ZBTB7C: variants seen among roughly 807,000 people sequenced by gnomAD.
The protein encoded by ZBTB7C is zinc finger and BTB domain containing 7C.
In ZBTB7C, 8 loss-of-function variants were observed where a neutral mutation model predicts 25.7. The ratio of observed to expected loss-of-function variants is 0.31; its 90% CI spans 0.18 to 0.56. The LOEUF is 0.56. Ranked by LOEUF, ZBTB7C falls within the 20% of genes least tolerant of loss-of-function variation. The pLI is 0.91. For synonymous variants in ZBTB7C, 394 were observed against 369.0 expected, an observed-to-expected ratio of 1.07 and a Z score of -0.78; for missense variants, 824 against 855.2, an observed-to-expected ratio of 0.96 and a Z score of 0.46.
chr18:48,143,968 C>T (rs1485532421), intron 3 of ZBTB7C, among the ~76,000 whole-genome samples: 1 of 152,224 alleles, frequency 6.6e-6, no homozygotes, highest in Non-Finnish European at 1.5e-5. Flanking sequence ...GGGAGTACCC[C>T]TATTGCAGTA....
intron 3 of ZBTB7C, chr18:48,088,271 C>T (rs969164227): frequency 1.3e-5 from 2 of 152,224 alleles, no homozygotes; most frequent in African/African-American, 4.8e-5. Context: ...CCTCCACCAA[C>T]CAAATGACAG....
chr18:48,292,957 G>A lies in ZBTB7C; in HGVS notation c.-79+45217C>T, dbSNP rs1371115741. ...GTGGTGACACCCCCACCCCTGCCAT[G>A]GTCAGCTTTGCTTATCTCTCACTCC... On this transcript the variant is annotated intron_variant, in intron 2 of 4. Transcript: ENST00000590800. 2.0e-5 allele frequency among the ~76,000 whole-genome samples: 3 copies of A among 152,236 alleles called. No homozygotes were observed. In the East Asian group the frequency reaches 5.8e-4, roughly 29 times the overall value.
chr18:48,123,748 T>C (rs1200808845), intron 3 of ZBTB7C, among the ~76,000 whole-genome samples: 1 of 152,198 alleles, frequency 6.6e-6, no homozygotes, highest in East Asian at 1.9e-4. Flanking sequence ...CTCTGAGCAG[T>C]ATAAGAATGG....
At chr18:48,086,994 C>T (rs1179926012) in intron 3 of ZBTB7C, among the ~76,000 whole-genome samples, 1 of 152,180 alleles carries the variant, frequency 6.6e-6, no homozygotes, top group Non-Finnish European at 1.5e-5. Flanking sequence ...AGTAACTCCT[C>T]CCAGCGATTC....
At chr18:48,308,361 G>A (rs1389123486) in intron 2 of ZBTB7C, among the ~76,000 whole-genome samples, 1 of 152,178 alleles carries the variant, frequency 6.6e-6, no homozygotes, top group Non-Finnish European at 1.5e-5. Flanking sequence ...ATTTAGGGCA[G>A]GATGACCTCT....
intron 3 of ZBTB7C, among the ~76,000 whole-genome samples, chr18:48,066,824 G>A (rs1454696948): frequency 1.3e-5 from 2 of 152,234 alleles, no homozygotes; most frequent in East Asian, 1.9e-4. Flanking sequence ...TAGCTCTGCC[G>A]GGTGTGGTGG....
intron 2 of ZBTB7C, among the ~76,000 whole-genome samples, chr18:48,303,296 C>T (rs1389721621): frequency 6.6e-6 from 1 of 152,192 alleles, no homozygotes; most frequent in African/African-American, 2.4e-5. Context: ...GGCAGTGATC[C>T]CTGAGAATCA....
At chr18:48,360,428 A>G (rs546932118) in intron 1 of ZBTB7C, among the ~76,000 whole-genome samples, 22 of 152,326 alleles carry the variant, frequency 1.4e-4, no homozygotes, top group African/African-American at 4.8e-4. Flanking sequence ...CATGTGAAAA[A>G]TCACAGAGCC....
At chr18:48,376,377 T>C (rs1873125) in intron 1 of ZBTB7C, among the ~76,000 whole-genome samples, 96,061 of 151,842 alleles carry the variant, frequency 0.63, 30,856 homozygotes, top group East Asian at 0.95. Flanking sequence ...GTAGATGCCC[T>C]CTAAGAAGCA....
chr18:48,401,630 C>T (rs1048980759), intron 1 of ZBTB7C, among the ~76,000 whole-genome samples: 1 of 152,158 alleles, frequency 6.6e-6, no homozygotes, highest in Non-Finnish European at 1.5e-5. Context: ...TCAGAATCCC[C>T]AAGGACACTT....
chr18:48,176,616 C>CGTGTGTGTGTGTGTGTGTGT (rs10533963), intron 3 of ZBTB7C, among the ~76,000 whole-genome samples: 9 of 149,750 alleles, frequency 6.0e-5, no homozygotes, highest in South Asian at 2.1e-4. Context: ...AGGAAATACA[C>CGTGTGTGTGTGTGTGTGTGT]GTGTGTGTGT....
chr18:48,304,652 G>A (rs915032185), intron 2 of ZBTB7C, among the ~76,000 whole-genome samples: 10 of 151,770 alleles, frequency 6.6e-5, no homozygotes, highest in Admixed American at 6.6e-4. Flanking sequence ...TCCAGCCTGG[G>A]CAACACAGTG....
intron 3 of ZBTB7C, among the ~76,000 whole-genome samples, chr18:48,158,234 G>T (rs575019844): frequency 6.6e-6 from 1 of 152,194 alleles, no homozygotes; most frequent in Admixed American, 6.5e-5. Flanking sequence ...GCTGCCAAAG[G>T]TGCCTATCAG....
At chr18:48,204,297 C>T (rs577505022) in intron 2 of ZBTB7C, among the ~76,000 whole-genome samples, 4 of 152,176 alleles carry the variant, frequency 2.6e-5, no homozygotes, top group Non-Finnish European at 2.9e-5. Flanking sequence ...ACTCCAGCCT[C>T]CCTTGTGAAC....
At chr18:48,404,951 C>A (rs2145330014) in intron 1 of ZBTB7C, among the ~76,000 whole-genome samples, 1 of 152,330 alleles carries the variant, frequency 6.6e-6, no homozygotes, top group East Asian at 1.9e-4. Context: ...CACAGCTGTC[C>A]AGCCCTGACC....
chr18:48,345,613 T>C (rs979633818), intron 1 of ZBTB7C, among the ~76,000 whole-genome samples: 4 of 151,548 alleles, frequency 2.6e-5, no homozygotes, highest in Admixed American at 1.3e-4. Flanking sequence ...ATTTCAGGAG[T>C]ATATTTCTGT....
intron 2 of ZBTB7C, among the ~76,000 whole-genome samples, chr18:48,234,451 T>C (rs2145364266): frequency 6.6e-6 from 1 of 152,340 alleles, no homozygotes; most frequent in Middle Eastern, 3.4e-3. Flanking sequence ...AAACTTCTGT[T>C]ACTGGTTTCT....
Position 48,367,198 on chromosome 18 carries a change from TATATAC to T in ZBTB7C, c.-303-28806_-303-28801del, listed in dbSNP as rs1309153244. Among the ~76,000 whole-genome samples the T allele has an allele frequency of 8.7e-3, 531 of 60,916 alleles. 13 individuals are homozygous for T. The highest frequency in any genetic ancestry group is 0.032 in the African/African-American group (481 of 15,248). 40.0% of individuals were successfully genotyped at this position (60,916 alleles called of 152,430 possible). A position where few individuals can be genotyped will look rare whatever the true frequency, so the allele number is the denominator to read the frequency against. ...TTTTATATATATATATATATATATA[TATATAC>T]ACACACACACACACACACACACACA... On this transcript the variant is annotated intron_variant, in intron 1 of 4. Transcript: ENST00000590800.
intron 2 of ZBTB7C, among the ~76,000 whole-genome samples, chr18:48,264,995 G>A (rs2044269893): frequency 6.6e-6 from 1 of 152,232 alleles, no homozygotes; most frequent in Admixed American, 6.5e-5. Flanking sequence ...GTCTGGATGA[G>A]AGACAATGGG....
Sources: allele counts gnomAD v4.1 joint callset (sites outside exome capture counted in the v4.1 genomes callset), GRCh38; gene constraint gnomAD v4.1.1; transcripts MANE v1.5; gene names NCBI Gene and HGNC (gene_info 2026-07-23, HGNC 2026-07-21).